The following EBF3 variants were observed in gnomAD, a reference collection of about 807,000 sequenced individuals.
EBF3 encodes the protein EBF transcription factor 3, also known as transcription factor COE3.
EBF3 carries 18 observed loss-of-function variants against 77.1 expected under a neutral mutation model. The observed-to-expected ratio is 0.23, with a 90% CI of 0.16 to 0.35. The LOEUF (loss-of-function observed/expected upper bound fraction) is 0.35, where lower values mean the gene tolerates loss of function less well. Ranked by LOEUF, EBF3 falls within the 10% of genes least tolerant of loss-of-function variation. EBF3 has a pLI of 1.00. For synonymous variants in EBF3, 350 were observed against 343.5 expected (o/e 1.02, Z -0.21); for missense variants, 558 against 860.0 (o/e 0.65, Z 4.39).
At position 129,938,203 on chromosome 10, in the gene EBF3, C is replaced by G. The variant is rs980391541; in HGVS notation, c.554+19055G>C. ...TTCATCAGTGAGCCCCTCTGGTACA[C>G]AGACTGCTCTGTTCTAGAACGGAAA... On this transcript the variant is annotated intron_variant, in intron 6 of 16. Transcript: ENST00000440978. This position sits in a 1 kb window ranked among gnomAD's most constrained non-coding sequence, Gnocchi z 5.1. Among the ~76,000 whole-genome samples the G allele has an allele frequency of 1.3e-5, 2 of 152,066 alleles. No individual in the cohort carries two copies. The highest frequency in any genetic ancestry group is 2.9e-5 in the Non-Finnish European group (2 of 68,020).
chr10:129,938,326 G>A lies in EBF3; in HGVS notation c.554+18932C>T, dbSNP rs1264540021. On this transcript the variant is annotated intron_variant, in intron 6 of 16. Coordinates refer to ENST00000440978, the MANE Select transcript of EBF3 (RefSeq NM_001375380.1). The surrounding 1 kb of genome is among the most constrained non-coding windows in gnomAD (Gnocchi z 5.1). ...AGGCCAAGGGAGGCAGATCACTTGA[G>A]CTCAGGAGTTCAACACCAGCCTGGG... Among the ~76,000 whole-genome samples the A allele has an allele frequency of 2.0e-5, 3 of 150,486 alleles. No homozygotes were observed. Among genetic ancestry groups the A allele is most frequent in the African/African-American group, 7.4e-5 (3 of 40,798 alleles).
intron 6 of EBF3, among the ~76,000 whole-genome samples, chr10:129,953,915 TGGAATGCACG>T (rs1026938255): frequency 6.6e-6 from 1 of 152,242 alleles, no homozygotes; most frequent in Non-Finnish European, 1.5e-5. Flanking sequence ...TTGCAGCCCT[TGGAATGCACG>T]GGTGAAACAG....
intron 6 of EBF3, among the ~76,000 whole-genome samples, chr10:129,924,412 C>T (rs2134376464): frequency 1.4e-5 from 2 of 144,250 alleles, no homozygotes; most frequent in Middle Eastern, 3.6e-3. Context: ...GAGACTCCGT[C>T]TCAAACAACA....
rs1025316898 is a variant in EBF3 at position 129,931,958 on chromosome 10, C to T, written c.554+25300G>A. On this transcript the variant is annotated intron_variant, in intron 6 of 16. Coordinates refer to ENST00000440978, the MANE Select transcript of EBF3 (RefSeq NM_001375380.1). ...GCAGATGTTTTCAGAGGTGACCAAG[C>T]CTCTGAACCTGGCGGTTCTCTGTGG... Among the ~76,000 whole-genome samples the T allele has an allele frequency of 5.3e-5, 8 of 152,136 alleles. No individual in the cohort carries two copies. The East Asian group carries it at 1.5e-3, about 29-fold the overall frequency.
chr10:129,874,477 C>T (rs1260396427), intron 7 of EBF3, among the ~76,000 whole-genome samples: 1 of 152,190 alleles, frequency 6.6e-6, no homozygotes. Flanking sequence ...CCTGAATGGA[C>T]CCAGGAACCA....
chr10:129,899,059 T>C (rs1446801459), intron 6 of EBF3, among the ~76,000 whole-genome samples: 6 of 150,566 alleles, frequency 4.0e-5, no homozygotes, highest in African/African-American at 1.4e-4. Flanking sequence ...GTTCAGCATC[T>C]GTCACTGTCT....
chr10:129,894,610 G>A (rs1434925224), intron 6 of EBF3, among the ~76,000 whole-genome samples: 1 of 152,168 alleles, frequency 6.6e-6, no homozygotes, highest in African/African-American at 2.4e-5. Context: ...TCACTGACCA[G>A]GCTCTCCATT....
At chr10:129,869,268 G>C (rs948152502) in intron 8 of EBF3, among the ~76,000 whole-genome samples, 57 of 152,178 alleles carry the variant, frequency 3.7e-4, no homozygotes, top group African/African-American at 1.3e-3. Context: ...CAACCCTGAG[G>C]CCCGAGGAGT....
intron 6 of EBF3, among the ~76,000 whole-genome samples, chr10:129,905,587 G>A (rs1855086409): frequency 6.6e-6 from 1 of 152,076 alleles, no homozygotes; most frequent in Non-Finnish European, 1.5e-5. Flanking sequence ...ACCCTACCTG[G>A]CCTCCCCACT....
chr10:129,877,707 G>T (rs1852888963), intron 7 of EBF3, 61 bp downstream of exon 7: 2 of 1,434,954 alleles, frequency 1.4e-6, no homozygotes, highest in African/African-American at 1.4e-5. Context: ...GCAAATCAGA[G>T]AATTCAAATT....
At chr10:129,937,978 C>T (rs550132583) in intron 6 of EBF3, among the ~76,000 whole-genome samples, 1 of 152,226 alleles carries the variant, frequency 6.6e-6, no homozygotes, top group Non-Finnish European at 1.5e-5. Context: ...CATGGGTACA[C>T]TTTCACAAAA....
rs1376453924 is a variant in EBF3 at position 129,842,762 on chromosome 10, T to A, written c.1194+375A>T. 2.1e-4 allele frequency among the ~76,000 whole-genome samples: 24 copies of A among 112,686 alleles called. No homozygotes were observed. The highest frequency in any genetic ancestry group is 3.2e-4 in the South Asian group (1 of 3,098). 73.9% of individuals were successfully genotyped at this position (112,686 alleles called of 152,430 possible). On this transcript the variant is annotated intron_variant, in intron 12 of 16. Coordinates refer to ENST00000440978, the MANE Select transcript of EBF3 (RefSeq NM_001375380.1). The surrounding 1 kb of genome is among the most constrained non-coding windows in gnomAD (Gnocchi z 4.4). ...CTGGGTGACAGAGCAAGACCCTGTC[T>A]AAAAAAAAAAAAAAAAAAAGGGAGC...
At chr10:129,875,754 C>G (rs1852732649) in intron 7 of EBF3, among the ~76,000 whole-genome samples, 1 of 152,218 alleles carries the variant, frequency 6.6e-6, no homozygotes, top group Non-Finnish European at 1.5e-5. Flanking sequence ...CTGGCTTTGC[C>G]CTTTGCAGCC....
chr10:129,864,954 A>G lies in EBF3; in HGVS notation c.1039+2187T>C, dbSNP rs1452684957. On this transcript the variant is annotated intron_variant, in intron 10 of 16. Coordinates refer to ENST00000440978, the MANE Select transcript of EBF3 (RefSeq NM_001375380.1). This position sits in a 1 kb window ranked among gnomAD's most constrained non-coding sequence, Gnocchi z 4.4. ...AGACACTGTACATAAGTCATCCCCGATCCTTGCCAAAACCTTGCCAGATAG... is the reference window on the plus strand; with the variant it reads ...AGACACTGTACATAAGTCATCCCCGGTCCTTGCCAAAACCTTGCCAGATAG... Among the ~76,000 whole-genome samples the G allele has an allele frequency of 6.6e-6, 1 of 152,196 alleles. No homozygotes were observed. Among genetic ancestry groups the G allele is most frequent in the African/African-American group, 2.4e-5 (1 of 41,444 alleles).
intron 4 of EBF3, among the ~76,000 whole-genome samples, chr10:129,959,663 C>T (rs1442172312): frequency 6.6e-6 from 1 of 151,948 alleles, no homozygotes; most frequent in Non-Finnish European, 1.5e-5. Flanking sequence ...CGGCCGCCGT[C>T]CCGAGCTCCC....
At chr10:129,862,341 C>T (rs538787817) in intron 10 of EBF3, among the ~76,000 whole-genome samples, 2 of 152,170 alleles carry the variant, frequency 1.3e-5, no homozygotes, top group African/African-American at 2.4e-5. Context: ...CCAGGTATTC[C>T]GCCGTCAAGA....
intron 6 of EBF3, among the ~76,000 whole-genome samples, chr10:129,899,442 G>C (rs1179324287): frequency 6.6e-6 from 1 of 152,250 alleles, no homozygotes; most frequent in Non-Finnish European, 1.5e-5. Flanking sequence ...CGGTGAGGCA[G>C]AGGCCGGCGC....
At chr10:129,957,210 T>C (rs1859104126) in intron 6 of EBF3, 48 bp downstream of exon 6, 1 of 1,539,046 alleles carries the variant, frequency 6.5e-7, no homozygotes, top group Admixed American at 1.8e-5. Flanking sequence ...GCAAAACGTT[T>C]TGTTGCTGCT....
intron 6 of EBF3, among the ~76,000 whole-genome samples, chr10:129,955,863 A>G (rs2134601941): frequency 6.6e-6 from 1 of 152,368 alleles, no homozygotes; most frequent in East Asian, 1.9e-4. Flanking sequence ...CAAGCAACTT[A>G]GACAAGACTC....
Sources: gnomAD v4.1 joint callset for allele counts (sites outside exome capture counted in the v4.1 genomes callset) on GRCh38, gnomAD v4.1.1 for gene constraint, Gnocchi (gnomAD v3.1) non-coding constraint, MANE v1.5 for transcripts, NCBI Gene and HGNC (gene_info 2026-07-23, HGNC 2026-07-21) for gene names.